The following PPP6R3 variants were observed in gnomAD, a reference collection of about 807,000 sequenced individuals.
The protein encoded by PPP6R3 is serine/threonine-protein phosphatase 6 regulatory subunit 3.
PPP6R3 carries 38 observed loss-of-function variants against 110.7 expected under a neutral mutation model. The observed-to-expected ratio is 0.34, with a 90% confidence interval of 0.26 to 0.45. PPP6R3 has a LOEUF of 0.45. Ranked by LOEUF, PPP6R3 falls within the 20% of genes least tolerant of loss-of-function variation. The pLI, the probability that PPP6R3 is intolerant of heterozygous loss-of-function variation, is 1.00. For synonymous variants in PPP6R3, 369 were observed against 373.5 expected, an observed-to-expected ratio of 0.99 and a Z score of 0.14; for missense variants, 870 against 1,062.4, an observed-to-expected ratio of 0.82 and a Z score of 2.52.
At chr11:68,551,001 C>A in intron 5 of PPP6R3, 120 bp from the exon 6 acceptor site, 1 of 711,496 alleles carries the variant, frequency 1.4e-6, no homozygotes, top group Non-Finnish European at 2.3e-6. Context: ...GTTCAAAGTC[C>A]AGAGAAACCT....
chr11:68,469,413 T>TA lies in PPP6R3; in HGVS notation c.-158+8587dup, dbSNP rs1591526372. Among the ~76,000 whole-genome samples the TA allele has an allele frequency of 2.6e-5, 4 of 152,104 alleles. No homozygotes were observed. In the East Asian group the frequency reaches 7.7e-4, roughly 29 times the overall value. On this transcript the variant is annotated intron_variant, in intron 1 of 23. Coordinates refer to ENST00000393800, the MANE Select transcript of PPP6R3 (RefSeq NM_001164161.2). ...GTGGTTTTTGTTTATTTTTTTGAGA[T>TA]AGAGTCCCAGGCTGGAGTGCAGTAT...
At position 68,572,528 on chromosome 11, in the gene PPP6R3, A is replaced by G. The variant is rs987003567; in HGVS notation, c.1343+1424A>G. ...CTGGCTCTCTGGATCTTACTGAAGAACTAAAAGAGACTCTGAGCAACTCAG... is the reference window on the plus strand; with the variant it reads ...CTGGCTCTCTGGATCTTACTGAAGAGCTAAAAGAGACTCTGAGCAACTCAG... On this transcript the variant is annotated intron_variant, in intron 12 of 23. Transcript: ENST00000393800. Among the ~76,000 whole-genome samples, 3 of 152,104 alleles carry G rather than the reference A, an allele frequency of 2.0e-5. No individual in the cohort carries two copies. The South Asian group carries it at 6.2e-4, about 32-fold the overall frequency.
At chr11:68,609,858 C>T (rs1465754391) in intron 22 of PPP6R3, 46 bp from the exon 23 acceptor site, 1 of 1,610,434 alleles carries the variant, frequency 6.2e-7, no homozygotes, top group Non-Finnish European at 8.5e-7. Flanking sequence ...TGCCTAGGTG[C>T]TGGTCCCTAG....
chr11:68,500,844 C>G (rs762053306), intron 1 of PPP6R3, among the ~76,000 whole-genome samples: 1 of 152,190 alleles, frequency 6.6e-6, no homozygotes, highest in Non-Finnish European at 1.5e-5. Context: ...GAATGTGGAG[C>G]TAAACTGAAA....
chr11:68,562,783 T>C lies in PPP6R3; in HGVS notation c.846-1520T>C, dbSNP rs116844501. 7.3e-3 allele frequency among the ~76,000 whole-genome samples: 1,109 copies of C among 152,294 alleles called. 9 individuals carry two copies. The highest frequency in any genetic ancestry group is 0.027 in the Middle Eastern group (8 of 294). ...TCAAAATGGATGATAGAACTAGACA[T>C]AAAACTAGTAGTTCTAGAAGCAAAC... On this transcript the variant is annotated intron_variant, in intron 8 of 23. Transcript: ENST00000393800.
chr11:68,501,990 C>T (rs1410348741), intron 1 of PPP6R3, among the ~76,000 whole-genome samples: 1 of 152,164 alleles, frequency 6.6e-6, no homozygotes, highest in Non-Finnish European at 1.5e-5. Context: ...ATTCAAGAAC[C>T]TGCTGTATGT....
chr11:68,566,144 C>A (rs184240984), intron 9 of PPP6R3, among the ~76,000 whole-genome samples: 1 of 152,148 alleles, frequency 6.6e-6, no homozygotes, highest in South Asian at 2.1e-4. Context: ...CCAGAGGCAA[C>A]GTCTGAATTT....
intron 13 of PPP6R3, among the ~76,000 whole-genome samples, chr11:68,574,934 C>T (rs75356449): frequency 0.011 from 1,690 of 152,270 alleles, 23 homozygotes; most frequent in South Asian, 0.022. Flanking sequence ...AAATCATTTC[C>T]CAGTGGGTCT....
intron 19 of PPP6R3, among the ~76,000 whole-genome samples, chr11:68,596,769 A>G (rs886543382): frequency 6.6e-6 from 1 of 152,192 alleles, no homozygotes; most frequent in Admixed American, 6.5e-5. Flanking sequence ...AAAAACTTCT[A>G]AAGGTTTGGG....
At chr11:68,547,935 C>T in intron 4 of PPP6R3, 132 bp from the exon 5 acceptor site, 2 of 892,176 alleles carry the variant, frequency 2.2e-6, no homozygotes, top group Non-Finnish European at 3.2e-6. Context: ...TACCTTGTTG[C>T]TAATTCAGCA....
At chr11:68,607,609 G>A (rs1940910811) in intron 22 of PPP6R3, among the ~76,000 whole-genome samples, 1 of 152,226 alleles carries the variant, frequency 6.6e-6, no homozygotes, top group African/African-American at 2.4e-5. Context: ...GTTAAGTGAT[G>A]AGGCCGGAGG....
chr11:68,495,804 A>C (rs1325682643), intron 1 of PPP6R3, among the ~76,000 whole-genome samples: 1 of 152,142 alleles, frequency 6.6e-6, no homozygotes, highest in Non-Finnish European at 1.5e-5. Flanking sequence ...TTTATGTACA[A>C]ATTATTCTGT....
chr11:68,519,854 C>A (rs2099154969), intron 2 of PPP6R3, among the ~76,000 whole-genome samples: 1 of 152,116 alleles, frequency 6.6e-6, no homozygotes, highest in African/African-American at 2.4e-5. Flanking sequence ...TATCTTAAAT[C>A]TGCAGAACTC....
intron 3 of PPP6R3, among the ~76,000 whole-genome samples, 181 bp downstream of exon 3, chr11:68,538,072 A>G (rs1320538976): frequency 6.6e-6 from 1 of 152,240 alleles, no homozygotes; most frequent in Non-Finnish European, 1.5e-5. Flanking sequence ...GGGAATCACA[A>G]GAGTTTAAAA....
chr11:68,588,631 G>A (rs2099586190), intron 16 of PPP6R3, among the ~76,000 whole-genome samples: 1 of 151,300 alleles, frequency 6.6e-6, no homozygotes, highest in African/African-American at 2.4e-5. Flanking sequence ...CTAATTTGTT[G>A]TATTTTTAGT....
intron 1 of PPP6R3, among the ~76,000 whole-genome samples, chr11:68,470,464 GA>G (rs1475000082): frequency 6.6e-6 from 1 of 152,126 alleles, no homozygotes; most frequent in Non-Finnish European, 1.5e-5. Flanking sequence ...GGGTAGGCCA[GA>G]TGGATGGGGG....
chr11:68,482,101 G>T (rs763691522), intron 1 of PPP6R3, among the ~76,000 whole-genome samples: 1 of 151,484 alleles, frequency 6.6e-6, no homozygotes, highest in Non-Finnish European at 1.5e-5. Context: ...TATCCCGGCC[G>T]GGTGCAGTGG....
chr11:68,562,618 T>A (rs1048030505), intron 8 of PPP6R3, among the ~76,000 whole-genome samples: 2 of 152,180 alleles, frequency 1.3e-5, no homozygotes, highest in Non-Finnish European at 2.9e-5. Flanking sequence ...ATCCCCATGA[T>A]CAGGCGGTTT....
At chr11:68,517,806 C>T (rs1220693230) in intron 1 of PPP6R3, among the ~76,000 whole-genome samples, 5 of 152,050 alleles carry the variant, frequency 3.3e-5, no homozygotes, top group African/African-American at 9.7e-5. Flanking sequence ...GGCATGTTGG[C>T]GGTTGCTTCT....
Sources: allele counts gnomAD v4.1 joint callset (sites outside exome capture counted in the v4.1 genomes callset), GRCh38; gene constraint gnomAD v4.1.1; transcripts MANE v1.5; gene names NCBI Gene and HGNC (gene_info 2026-07-23, HGNC 2026-07-21).